Variants in CDC42BPA observed in about 807,000 individuals in gnomAD.
CDC42BPA encodes serine/threonine-protein kinase MRCK alpha.
A neutral mutation model predicts 223.5 loss-of-function variants in CDC42BPA; 80 were observed. That is an observed-to-expected ratio of 0.36 (90% CI 0.30 to 0.43). The LOEUF is 0.43. CDC42BPA is among the 20% of genes least tolerant of loss of function. The pLI, the probability that CDC42BPA is intolerant of heterozygous loss-of-function variation, is 1.00. For synonymous variants in CDC42BPA, 694 were observed against 718.6 expected, an observed-to-expected ratio of 0.97 and a Z score of 0.55; for missense variants, 1,743 against 2,099.9, an observed-to-expected ratio of 0.83 and a Z score of 3.32.
At chr1:227,133,927 C>T (rs922425765) in intron 10 of CDC42BPA, among the ~76,000 whole-genome samples, 11 of 151,218 alleles carry the variant, frequency 7.3e-5, no homozygotes, top group African/African-American at 1.2e-4. Flanking sequence ...CCTGCCCAAT[C>T]CCCCTCTGCG....
chr1:227,181,429 T>C (rs66796195), intron 5 of CDC42BPA, among the ~76,000 whole-genome samples: 29,249 of 152,184 alleles, frequency 0.19, 2,921 homozygotes, highest in African/African-American at 0.21. Flanking sequence ...GTACATATTA[T>C]TTACTTTGGT....
At chr1:227,064,996 C>T (rs537009969) in intron 21 of CDC42BPA, among the ~76,000 whole-genome samples, 2 of 152,114 alleles carry the variant, frequency 1.3e-5, no homozygotes, top group East Asian at 3.9e-4. Context: ...ACTCGGGAGG[C>T]TGAGGCAGGA....
At chr1:227,220,957 A>C (rs1675795329) in intron 2 of CDC42BPA, among the ~76,000 whole-genome samples, 1 of 152,206 alleles carries the variant, frequency 6.6e-6, no homozygotes, top group Non-Finnish European at 1.5e-5. Context: ...TTCTCCAAAA[A>C]GCACATTTTG....
chr1:227,271,349 C>A (rs1188925919), intron 1 of CDC42BPA, among the ~76,000 whole-genome samples: 4 of 152,132 alleles, frequency 2.6e-5, no homozygotes, highest in African/African-American at 9.7e-5. Context: ...AGGTAGCAGT[C>A]TTTTGTGCAC....
chr1:227,091,991 A>G lies in CDC42BPA; in HGVS notation c.2250T>C (p.Ser750=), dbSNP rs1441656732. The G allele has an allele frequency of 5.2e-6, 8 of 1,544,512 alleles. No homozygotes were observed. Among genetic ancestry groups the G allele is most frequent in the Non-Finnish European group, 7.1e-6 (8 of 1,130,296 alleles). ...KDKLEKTRRE[S]QSEREEFESE... is the part of the protein sequence containing the mutation. ...TTTCAAATTCCTCCCTTTCACTTTG[A>G]CTAACACAATTCAAAACACAAAAGG... Residue 750 remains serine, a splice_region_variant and synonymous_variant, in exon 16 of 37, where the codon AGT becomes AGC. Transcript: ENST00000366766.
At chr1:227,232,143 T>C (rs1678100848) in intron 2 of CDC42BPA, among the ~76,000 whole-genome samples, 1 of 152,234 alleles carries the variant, frequency 6.6e-6, no homozygotes, top group African/African-American at 2.4e-5. Context: ...TTAATCCATC[T>C]TGAATTAATT....
intron 1 of CDC42BPA, among the ~76,000 whole-genome samples, chr1:227,287,413 A>T (rs1187218913): frequency 6.6e-6 from 1 of 152,208 alleles, no homozygotes; most frequent in East Asian, 1.9e-4. Flanking sequence ...ATTTATGCTG[A>T]AAATCTACTA....
In CDC42BPA at chr1:227,311,177, G is replaced by GA. The variant is rs1693471646; in HGVS notation, c.178+5827dup. Among the ~76,000 whole-genome samples the GA allele has an allele frequency of 3.7e-5, 4 of 108,720 alleles. No homozygotes were observed. The South Asian group carries it at 1.1e-3, about 29-fold the overall frequency. The allele number at this position is 108,720 out of a possible 152,430, so 71.3% of individuals were successfully genotyped here. A position where few individuals can be genotyped will look rare whatever the true frequency, so the allele number is the denominator to read the frequency against. ...GAGACCAGTCAGGACAACATAATGA[G>GA]ACCCCCCATCTCCACACACACAAAA... On this transcript the variant is annotated intron_variant, in intron 1 of 36. Coordinates refer to ENST00000366766, the MANE Select transcript of CDC42BPA (RefSeq NM_001394014.1).
chr1:227,053,009 A>AC (rs1673852857), intron 21 of CDC42BPA, among the ~76,000 whole-genome samples: 1 of 152,192 alleles, frequency 6.6e-6, no homozygotes, highest in Non-Finnish European at 1.5e-5. Flanking sequence ...AATAATTGAG[A>AC]GTAGAAACAC....
At chr1:227,122,313 G>T (rs1309014177) in intron 11 of CDC42BPA, among the ~76,000 whole-genome samples, 1 of 152,074 alleles carries the variant, frequency 6.6e-6, no homozygotes, top group African/African-American at 2.4e-5. Flanking sequence ...CTTCTGAAGT[G>T]TTCTTCTCTA....
chr1:227,133,332 A>AG (rs1345518881), intron 10 of CDC42BPA, among the ~76,000 whole-genome samples: 4 of 137,160 alleles, frequency 2.9e-5, no homozygotes, highest in East Asian at 2.2e-4. Context: ...CCAGTCCGGG[A>AG]GGAGGTGGGG....
At chr1:227,243,929 T>C (rs1045859730) in intron 2 of CDC42BPA, among the ~76,000 whole-genome samples, 5 of 151,412 alleles carry the variant, frequency 3.3e-5, no homozygotes, top group Non-Finnish European at 4.4e-5. Flanking sequence ...TGAGGTGATA[T>C]GAAAATGTGT....
chr1:227,082,653 T>C (rs2149157900), intron 16 of CDC42BPA, among the ~76,000 whole-genome samples: 1 of 143,394 alleles, frequency 7.0e-6, no homozygotes, highest in African/African-American at 2.6e-5. Context: ...AGGTGGAGTT[T>C]GCAGTGAGCT....
At chr1:227,086,286 T>C (rs1007979644) in intron 16 of CDC42BPA, among the ~76,000 whole-genome samples, 4 of 152,226 alleles carry the variant, frequency 2.6e-5, no homozygotes, top group African/African-American at 9.6e-5. Context: ...TATTATGCTA[T>C]GAAAATTCAT....
intron 5 of CDC42BPA, among the ~76,000 whole-genome samples, chr1:227,177,128 A>G (rs1473813709): frequency 4.8e-5 from 2 of 41,582 alleles, no homozygotes; most frequent in Non-Finnish European, 9.2e-5. Context: ...AAGATGTAAG[A>G]AAAAAAAAAT....
chr1:227,241,938 GA>G (rs958545858), intron 2 of CDC42BPA, among the ~76,000 whole-genome samples: 3 of 152,030 alleles, frequency 2.0e-5, no homozygotes, highest in Admixed American at 6.5e-5. Context: ...AGAGAATTGA[GA>G]AAAAACACTT....
At chr1:227,222,799 C>T (rs1283665902) in intron 2 of CDC42BPA, among the ~76,000 whole-genome samples, 3 of 152,166 alleles carry the variant, frequency 2.0e-5, no homozygotes, top group African/African-American at 4.8e-5. Flanking sequence ...TACAGGTTCC[C>T]GCGGATACAT....
chr1:226,999,238 G>A (rs1483341719), intron 35 of CDC42BPA, among the ~76,000 whole-genome samples: 8 of 151,206 alleles, frequency 5.3e-5, no homozygotes, highest in African/African-American at 1.7e-4. Flanking sequence ...GTGCAGTGGC[G>A]TGATCTCAGC....
intron 6 of CDC42BPA, among the ~76,000 whole-genome samples, chr1:227,152,604 G>A (rs1488809608): frequency 1.3e-5 from 2 of 152,086 alleles, no homozygotes; most frequent in African/African-American, 4.8e-5. Context: ...CAAGTCAACA[G>A]AAGGCAAGAA....
Sources: gnomAD v4.1 joint callset for allele counts (sites outside exome capture counted in the v4.1 genomes callset) on GRCh38, gnomAD v4.1.1 for gene constraint, MANE v1.5 for transcripts, NCBI Gene and HGNC (gene_info 2026-07-23, HGNC 2026-07-21) for gene names.